APOB: variants seen among roughly 807,000 people sequenced by gnomAD.
The protein encoded by APOB is apolipoprotein B.
In APOB, 153 loss-of-function variants were observed where a neutral mutation model predicts 314.1. The ratio of observed to expected loss-of-function variants is 0.49; its 90% CI spans 0.43 to 0.56. APOB has a LOEUF of 0.56. Among genes scored for constraint, APOB ranks in the 20% least tolerant of loss-of-function variants. The pLI is 0.00. For missense variants in APOB, 5,430 were observed against 5,350.7 expected, an observed-to-expected ratio of 1.01 and a Z score of -0.46; for synonymous variants, 2,087 against 2,036.4, an observed-to-expected ratio of 1.02 and a Z score of -0.67.
chr2:21,006,656 T>C lies in APOB; in HGVS notation c.10212A>G (p.Lys3404=). 1 of 1,614,100 alleles carries C rather than the reference T, an allele frequency of 6.2e-7. No homozygotes were observed. Among genetic ancestry groups the C allele is most frequent in the Non-Finnish European group, 8.5e-7 (1 of 1,179,960 alleles). ...TACTGTTATGACTACCCTCCACAAA[T>C]TTGTTGCTCAGAGACAGAGCTGTGG... ...KLATALSLSN[K]FVEGSHNSTV... Residue 3404 remains lysine (K), a synonymous_variant, in exon 26 of 29, where the codon AAA becomes AAG. Coordinates refer to ENST00000233242, the MANE Select transcript of APOB (RefSeq NM_000384.3).
At position 21,028,103 on chromosome 2, in the gene APOB, T is replaced by C. The variant is rs1329785570; in HGVS notation, c.1830-38A>G. ...AAGTATATTTTGAGCTGACACACCA[T>C]GTTATTATCCTTTGACTCTTGCACC... is the stretch of plus-strand genomic sequence containing the variant. On this transcript the variant is annotated intron_variant, in intron 13 of 28. Transcript: ENST00000233242. 3.5e-6 allele frequency: 5 copies of C among 1,429,574 alleles called. No homozygotes were observed. The African/African-American group carries it at 5.6e-5, about 16-fold the overall frequency. The allele number at this position is 1,429,574 out of a possible 1,614,324, so 88.6% of individuals were successfully genotyped here.
Position 21,013,415 on chromosome 2 carries a change from G to C in APOB, c.3961C>G (p.Leu1321Val). The C allele has an allele frequency of 1.2e-6, 2 of 1,614,240 alleles. No homozygotes were observed. Among genetic ancestry groups the C allele is most frequent in the Non-Finnish European group, 1.7e-6 (2 of 1,180,038 alleles). ...KMLETVRTPA[L>V]HFKSVGFHLP... ...TGGAATCCCACAGACTTGAAGTGGA[G>C]GGCTGGTGTCCTAACAGTCTCTAAC... The change falls in exon 25 of 29, where the codon CTC becomes GTC. Residue 1321 changes from leucine (L) to valine (V), a missense_variant. Physicochemically the swap from Leu to Val is conservative, Grantham distance 32. Around this residue, in one of 3 missense-constraint regions of APOB, gnomAD observed 2,085 missense variants for 2,079.7 expected, o/e 1.00. Coordinates refer to ENST00000233242, the MANE Select transcript of APOB (RefSeq NM_000384.3).
In APOB at chr2:21,008,329, C is replaced by CA. The variant is rs1370739920; in HGVS notation, c.8538dup (p.Gly2847TrpfsTer5). The CA allele has an allele frequency of 6.2e-7, 1 of 1,612,708 alleles. No individual in the cohort carries two copies. Among genetic ancestry groups the CA allele is most frequent in the South Asian group, 1.1e-5 (1 of 90,986 alleles). On this transcript the variant is annotated frameshift_variant, in exon 26 of 29. Coordinates refer to ENST00000233242, the MANE Select transcript of APOB (RefSeq NM_000384.3). LOFTEE classifies it high-confidence loss of function. ...TTTGATTTTCCCTCAATAGCATTTCCAAAAAACAGCATTTCACTCCCATGC... is the reference window on the plus strand; with the variant it reads ...TTTGATTTTCCCTCAATAGCATTTCCAAAAAAACAGCATTTCACTCCCATGC...
Position 21,006,438 on chromosome 2 carries a change from A to C in APOB, c.10430T>G (p.Val3477Gly). 2 of 1,614,118 alleles carry C rather than the reference A, an allele frequency of 1.2e-6. No homozygotes were observed. The highest frequency in any genetic ancestry group is 1.7e-6 in the Non-Finnish European group (2 of 1,179,984). ...SMLYSTAKGA[V>G]DHKLSLESLT... Reference sequence around the variant, plus strand: ...GCTTTCCAAGCTAAGCTTGTGGTCAACTGCTCCTTTAGCGGTAGAGTACAG... The same window carrying C: ...GCTTTCCAAGCTAAGCTTGTGGTCACCTGCTCCTTTAGCGGTAGAGTACAG... Residue 3477 changes from valine (V) to glycine (G), a missense_variant, in exon 26 of 29, where the codon GTT becomes GGT. Around this residue, in one of 3 missense-constraint regions of APOB, gnomAD observed 3,281 missense variants for 3,171.0 expected, o/e 1.03. Transcript: ENST00000233242.
chr2:21,028,094 G>T, intron 13 of APOB, 29 bp from the exon 14 acceptor site: 1 of 1,461,582 alleles, frequency 6.8e-7, no homozygotes, highest in South Asian at 1.1e-5. Context: ...ATTTTGAGCT[G>T]ACACACCATG....
chr2:21,012,416 G>C lies in APOB; in HGVS notation c.4452C>G (p.Val1484=). ...AGACTCTGAACTGCCCATCAATCTT[G>C]ACTTCTTTGACAAACAAATGCTGTT... ...KKKQHLFVKE[V]KIDGQFRVSS... Residue 1484 remains valine, a synonymous_variant, in exon 26 of 29, where the codon GTC becomes GTG. Coordinates refer to ENST00000233242, the MANE Select transcript of APOB (RefSeq NM_000384.3). 6.2e-7 allele frequency: 1 copy of C among 1,614,170 alleles called. No homozygotes were observed. The highest frequency in any genetic ancestry group is 8.5e-7 in the Non-Finnish European group (1 of 1,180,026).
chr2:21,025,756 G>T (rs1663716587), intron 15 of APOB, among the ~76,000 whole-genome samples: 1 of 152,218 alleles, frequency 6.6e-6, no homozygotes, highest in Non-Finnish European at 1.5e-5. Flanking sequence ...AAAGTTGAAT[G>T]TGCATACAAG....
In APOB at chr2:21,010,744, T is replaced by C; in HGVS notation, c.6124A>G (p.Met2042Val). 1 of 1,614,082 alleles carries C rather than the reference T, an allele frequency of 6.2e-7. No individual in the cohort carries two copies. Among genetic ancestry groups the C allele is most frequent in the Non-Finnish European group, 8.5e-7 (1 of 1,179,944 alleles). ...TGGGGCTTCTCAACGGCATCTCTCA[T>C]CTCTAAAGCATCAATGATATTGATG... is the stretch of plus-strand genomic sequence containing the variant. ...EPINIIDALE[M>V]RDAVEKPQEF... Residue 2042 changes from methionine (M) to valine (V), a missense_variant, in exon 26 of 29, where the codon ATG becomes GTG. Physicochemically the swap from Met to Val is conservative, Grantham distance 21. This residue lies in a region of APOB where 3,281 missense variants were observed against 3,171.0 expected (regional missense o/e 1.03). Coordinates refer to ENST00000233242, the MANE Select transcript of APOB (RefSeq NM_000384.3).
chr2:21,040,599 C>G (rs946226046), intron 4 of APOB, among the ~76,000 whole-genome samples: 3 of 152,206 alleles, frequency 2.0e-5, no homozygotes, highest in African/African-American at 7.2e-5. Flanking sequence ...GCCAGTGCCT[C>G]TGGGACCCCA....
chr2:21,016,281 C>T (rs1426316797), intron 21 of APOB, among the ~76,000 whole-genome samples, 158 bp downstream of exon 21: 2 of 148,992 alleles, frequency 1.3e-5, no homozygotes, highest in African/African-American at 5.0e-5. Context: ...AGTGAGACTC[C>T]ATCTCAAAAA....
At position 21,037,178 on chromosome 2, in the gene APOB, A is replaced by G. The variant is rs767064391; in HGVS notation, c.615T>C (p.Thr205=). ...RKGNVATEIS[T]ERDLGQCDRF... ...GATCACACTGCCCCAGGTCTCTTTC[A>G]GTGGATATTTCTGTTGCCACATTGC... The change falls in exon 6 of 29, where the codon ACT becomes ACC. Residue 205 remains threonine (T), a synonymous_variant. Transcript: ENST00000233242. 1 of 1,614,202 alleles carries G rather than the reference A, an allele frequency of 6.2e-7. No individual in the cohort carries two copies. The highest frequency in any genetic ancestry group is 1.1e-5 in the South Asian group (1 of 91,080).
Position 21,043,956 on chromosome 2 carries a change from G to T in APOB, c.-11C>A, listed in dbSNP as rs1482394481. The T allele has an allele frequency of 2.3e-6, 3 of 1,285,706 alleles. No individual in the cohort carries two copies. Among genetic ancestry groups the T allele is most frequent in the Non-Finnish European group, 3.0e-6 (3 of 1,008,650 alleles). The allele number at this position is 1,285,706 out of a possible 1,614,324, so 79.6% of individuals were successfully genotyped here. On this transcript the variant is annotated 5_prime_UTR_variant, in exon 1 of 29. Coordinates refer to ENST00000233242, the MANE Select transcript of APOB (RefSeq NM_000384.3). The stretch of plus-strand genomic sequence containing the variant: ...CCTCGGCGGGTCCATCGCCAGCTGC[G>T]GTGGGGCGGCTCCTGGGCTGCGGCC...
chr2:21,005,802 T>C lies in APOB; in HGVS notation c.11066A>G (p.Lys3689Arg). 6.2e-7 allele frequency: 1 copy of C among 1,614,056 alleles called. No homozygotes were observed. Among genetic ancestry groups the C allele is most frequent in the Non-Finnish European group, 8.5e-7 (1 of 1,179,972 alleles). The change falls in exon 26 of 29, where the codon AAG becomes AGG. Residue 3689 changes from lysine (K) to arginine (R), a missense_variant. This residue lies in a region of APOB where 3,281 missense variants were observed against 3,171.0 expected (regional missense o/e 1.03). Coordinates refer to ENST00000233242, the MANE Select transcript of APOB (RefSeq NM_000384.3). ...VYDKSLWDFL[K>R]LDVTTSIGRR... ...ACCAATGCTGGTGGTTACATCCAGCTTTAGGAAATCCCATAAGCTCTTGTC... is the reference window on the plus strand; with the variant it reads ...ACCAATGCTGGTGGTTACATCCAGCCTTAGGAAATCCCATAAGCTCTTGTC...
Position 21,034,913 on chromosome 2 carries a change from G to C in APOB, c.819-12C>G. 7.2e-7 allele frequency: 1 copy of C among 1,392,318 alleles called. No homozygotes were observed. Among genetic ancestry groups the C allele is most frequent in the East Asian group, 2.3e-5 (1 of 43,832 alleles). 86.2% of individuals were successfully genotyped at this position (1,392,318 alleles called of 1,614,324 possible). ...TCCCATACTTATTCCTGGTAACCAA[G>C]GAAGCACACCATGTCACGGATGGCC... On this transcript the variant is annotated splice_polypyrimidine_tract_variant and intron_variant, in intron 7 of 28. Transcript: ENST00000233242.
intron 10 of APOB, among the ~76,000 whole-genome samples, chr2:21,030,351 A>G (rs1024130762): frequency 2.6e-5 from 4 of 152,204 alleles, no homozygotes; most frequent in African/African-American, 9.7e-5. Context: ...TACACTAGGG[A>G]AAGGACACCC....
chr2:21,028,697 T>C (rs1211904253), intron 12 of APOB, among the ~76,000 whole-genome samples, 159 bp from the exon 13 acceptor site: 5 of 152,248 alleles, frequency 3.3e-5, no homozygotes, highest in African/African-American at 1.2e-4. Context: ...TTGCCAGTGT[T>C]TCCTAGAGCA....
intron 3 of APOB, 113 bp from the exon 4 acceptor site, chr2:21,041,196 C>G (rs905002487): frequency 3.6e-6 from 4 of 1,119,486 alleles, no homozygotes; most frequent in Non-Finnish European, 5.2e-6. Flanking sequence ...GTGCTGGGAA[C>G]ACCACTGCCT....
Position 21,016,658 on chromosome 2 carries a change from G to A in APOB, c.3122-9C>T, listed in dbSNP as rs1343120597. The A allele has an allele frequency of 1.3e-6, 2 of 1,558,440 alleles. No individual in the cohort carries two copies. Among genetic ancestry groups the A allele is most frequent in the Non-Finnish European group, 8.9e-7 (1 of 1,129,276 alleles). ...CTCAGTCTGCTTCGCACCTGGACGA[G>A]TGTATAAGAGAATCAAGAGATGTGT... On this transcript the variant is annotated splice_polypyrimidine_tract_variant and intron_variant, in intron 20 of 28. Transcript: ENST00000233242.
rs1293973272 is a variant in APOB at position 21,033,986 on chromosome 2, G to A, written c.905-468C>T. Reference sequence around the variant, plus strand: ...TTACCCTTAGCTTGAAATAATTGGTGAGGAGGTGCTACTGTTGACATGGTT... The same window carrying A: ...TTACCCTTAGCTTGAAATAATTGGTAAGGAGGTGCTACTGTTGACATGGTT... On this transcript the variant is annotated intron_variant, in intron 8 of 28. Transcript: ENST00000233242. 2.0e-5 allele frequency among the ~76,000 whole-genome samples: 3 copies of A among 152,220 alleles called. No individual in the cohort carries two copies. In the East Asian group the frequency reaches 5.8e-4, roughly 29 times the overall value.
Sources: gnomAD v4.1 joint callset for allele counts (sites outside exome capture counted in the v4.1 genomes callset) on GRCh38, gnomAD v4.1.1 for gene constraint, gnomAD v4.1.1 regional missense constraint, MANE v1.5 for transcripts, NCBI Gene and HGNC (gene_info 2026-07-23, HGNC 2026-07-21) for gene names.